Variants in CAST observed in about 807,000 individuals in gnomAD.
CAST encodes calpastatin, also known as MIR583 host.
In CAST, 76 loss-of-function variants were observed where a neutral mutation model predicts 119.6. The ratio of observed to expected loss-of-function variants is 0.64; its 90% CI spans 0.53 to 0.77. The LOEUF (loss-of-function observed/expected upper bound fraction) is 0.77. CAST is among the 30% of genes least tolerant of loss of function. CAST has a pLI of 0.00. For synonymous variants in CAST, 319 were observed against 331.6 expected (o/e 0.96, Z 0.41); for missense variants, 953 against 946.5 (o/e 1.01, Z -0.09).
At chr5:96,149,231 A>T in the CAST span, among the ~76,000 whole-genome samples, 1 of 151,736 alleles carries the variant, frequency 6.6e-6, no homozygotes, top group Non-Finnish European at 1.5e-5. Flanking sequence ...GTAAGGCAAG[A>T]CTCCCTCCAT....
intron 1 of CAST, among the ~76,000 whole-genome samples, chr5:96,627,600 GTGT>G (rs937506338): frequency 6.6e-6 from 1 of 152,176 alleles, no homozygotes; most frequent in African/African-American, 2.4e-5. Flanking sequence ...GTAAAAAACT[GTGT>G]TGTTCCAATT....
chr5:96,130,065 G>A, the CAST span, among the ~76,000 whole-genome samples: 1 of 148,092 alleles, frequency 6.8e-6, no homozygotes, highest in Non-Finnish European at 1.5e-5. Flanking sequence ...TGTCCCCTGG[G>A]CTGCAACTTT....
the CAST span, among the ~76,000 whole-genome samples, chr5:96,476,950 C>T: frequency 1.4e-5 from 2 of 147,532 alleles, no homozygotes; most frequent in Non-Finnish European, 3.0e-5. Context: ...AAAAATACAG[C>T]GCTATTATCA....
At chr5:96,364,198 G>A in the CAST span, among the ~76,000 whole-genome samples, 2 of 152,288 alleles carry the variant, frequency 1.3e-5, no homozygotes, top group East Asian at 3.9e-4. Flanking sequence ...TGATCATGGT[G>A]AATAAGCCTT....
At chr5:96,518,677 A>C in the CAST span, among the ~76,000 whole-genome samples, 1 of 152,134 alleles carries the variant, frequency 6.6e-6, no homozygotes, top group South Asian at 2.1e-4. Flanking sequence ...CTTTCATGAG[A>C]AGGAGTAATA....
chr5:96,067,444 C>G, the CAST span, among the ~76,000 whole-genome samples: 1 of 152,162 alleles, frequency 6.6e-6, no homozygotes, highest in Non-Finnish European at 1.5e-5. Flanking sequence ...ATTAGGAATA[C>G]ATTTGTGGCA....
At chr5:96,645,376 C>T (rs1451580143) in intron 1 of CAST, among the ~76,000 whole-genome samples, 1 of 152,274 alleles carries the variant, frequency 6.6e-6, no homozygotes, top group East Asian at 1.9e-4. Flanking sequence ...TCAGGTTTTT[C>T]CACTTCAATG....
At chr5:96,181,967 G>A in the CAST span, among the ~76,000 whole-genome samples, 1 of 152,182 alleles carries the variant, frequency 6.6e-6, no homozygotes, top group Non-Finnish European at 1.5e-5. Flanking sequence ...TTTCAAAACA[G>A]CATTTTTCTC....
chr5:96,032,728 AT>A, the CAST span, among the ~76,000 whole-genome samples: 1 of 152,122 alleles, frequency 6.6e-6, no homozygotes, highest in Admixed American at 6.6e-5. Flanking sequence ...TATCCTATAT[AT>A]TTATCATTGT....
chr5:96,616,753 T>TATATATACACAC (rs1167637550), intron 1 of CAST, among the ~76,000 whole-genome samples: 7 of 130,738 alleles, frequency 5.4e-5, no homozygotes, highest in African/African-American at 1.7e-4. Flanking sequence ...TCTATATATA[T>TATATATACACAC]ACACACACAC....
At chr5:96,328,421 C>A in the CAST span, among the ~76,000 whole-genome samples, 4 of 135,310 alleles carry the variant, frequency 3.0e-5, 1 homozygote, top group South Asian at 4.8e-4. Flanking sequence ...CTCTCTCTCT[C>A]TCTCTCTCTC....
intron 1 of CAST, among the ~76,000 whole-genome samples, chr5:96,578,373 T>C (rs77962343): frequency 1.1e-3 from 160 of 151,380 alleles, no homozygotes; most frequent in Middle Eastern, 0.01. Context: ...CTCAACTGTA[T>C]GCGGTCCATA....
chr5:96,625,345 C>T (rs1428476893), intron 1 of CAST, among the ~76,000 whole-genome samples: 2 of 152,056 alleles, frequency 1.3e-5, no homozygotes, highest in African/African-American at 2.4e-5. Context: ...ATGAATTTCC[C>T]CTTTATCTTT....
chr5:96,642,089 A>G, intron 1 of CAST, among the ~76,000 whole-genome samples: 1 of 152,304 alleles, frequency 6.6e-6, no homozygotes, highest in African/African-American at 2.4e-5. Flanking sequence ...TTATCTCCCC[A>G]TGCACTGAAA....
At chr5:96,702,767 T>C (rs965880821) in intron 3 of CAST, 47 of 985,284 alleles carry the variant, frequency 4.8e-5, no homozygotes, top group Non-Finnish European at 5.2e-5. Flanking sequence ...GGGAGCATCC[T>C]GCGTCGCCTT....
At chr5:96,731,014 T>G (rs1760367074) in intron 9 of CAST, among the ~76,000 whole-genome samples, 154 bp downstream of exon 9, 1 of 152,076 alleles carries the variant, frequency 6.6e-6, no homozygotes, top group African/African-American at 2.4e-5. Flanking sequence ...GGATAGAGAG[T>G]GAACAAGATA....
At chr5:96,216,639 T>C in the CAST span, among the ~76,000 whole-genome samples, 1 of 152,202 alleles carries the variant, frequency 6.6e-6, no homozygotes, top group Non-Finnish European at 1.5e-5. Context: ...TATTTCTTTA[T>C]ATAATACTTT....
At chr5:96,599,405 C>G (rs537379400) in intron 1 of CAST, among the ~76,000 whole-genome samples, 1 of 152,300 alleles carries the variant, frequency 6.6e-6, no homozygotes, top group South Asian at 2.1e-4. Flanking sequence ...TTTCTCAAAT[C>G]AAGTGGAATA....
the CAST span, chr5:96,393,316 G>A: frequency 6.2e-7 from 1 of 1,614,132 alleles, no homozygotes; most frequent in East Asian, 2.2e-5. Flanking sequence ...CCCCTACGCT[G>A]CTGCTGCTGG....
Sources: gnomAD v4.1 joint callset for allele counts (sites outside exome capture counted in the v4.1 genomes callset) on GRCh38, gnomAD v4.1.1 for gene constraint, MANE v1.5 for transcripts, NCBI Gene and HGNC (gene_info 2026-07-23, HGNC 2026-07-21) for gene names.